Variants in ACAD9 observed in about 807,000 individuals in gnomAD.
ACAD9 encodes the protein acyl-CoA dehydrogenase family member 9, also known as complex I assembly factor ACAD9, mitochondrial.
A neutral mutation model predicts 70.2 loss-of-function variants in ACAD9; 53 were observed. The observed-to-expected ratio is 0.75, with a 90% CI of 0.61 to 0.95. The LOEUF (loss-of-function observed/expected upper bound fraction) is 0.95, where lower values mean the gene tolerates loss of function less well. Among genes scored for constraint, ACAD9 ranks in the 40% least tolerant of loss-of-function variants. The pLI, the probability that ACAD9 is intolerant of heterozygous loss-of-function variation, is 0.00. For synonymous variants in ACAD9, 313 were observed against 312.1 expected (o/e 1.00, Z -0.03); for missense variants, 777 against 802.8 (o/e 0.97, Z 0.39).
rs1374919410 is a variant in ACAD9 at position 128,902,192 on chromosome 3, A to G, written c.883-361A>G. On this transcript the variant is annotated intron_variant, in intron 8 of 17. Transcript: ENST00000308982. The surrounding 1 kb of genome is among the most constrained non-coding windows in gnomAD (Gnocchi z 4.0). ...CATTCATGTCAAGTTTTAATGTGGA[A>G]ATAACGTTTTCAGGTATTTTGATTT... is the stretch of plus-strand genomic sequence containing the variant. 2.0e-5 allele frequency among the ~76,000 whole-genome samples: 3 copies of G among 152,226 alleles called. No individual in the cohort carries two copies. The highest frequency in any genetic ancestry group is 4.4e-5 in the Non-Finnish European group (3 of 68,044).
chr3:128,899,543 TG>T, intron 7 of ACAD9, 82 bp downstream of exon 7: 1 of 1,403,258 alleles, frequency 7.1e-7, no homozygotes, highest in African/African-American at 1.4e-5. Context: ...TGTGTGTGTG[TG>T]TGTGTGTGTG....
chr3:128,903,640 C>A (rs1195504008), intron 9 of ACAD9, among the ~76,000 whole-genome samples: 1 of 152,238 alleles, frequency 6.6e-6, no homozygotes, highest in Non-Finnish European at 1.5e-5. Flanking sequence ...GCGGCCCCAC[C>A]TGCTTTGGTC....
intron 11 of ACAD9, among the ~76,000 whole-genome samples, chr3:128,905,912 C>G (rs1233616147): frequency 1.3e-5 from 2 of 152,064 alleles, no homozygotes; most frequent in Non-Finnish European, 2.9e-5. Flanking sequence ...TGAAGGCAGG[C>G]CCAGAGGTAC....
chr3:128,880,354 C>T (rs1227925156), intron 1 of ACAD9, among the ~76,000 whole-genome samples: 1 of 152,206 alleles, frequency 6.6e-6, no homozygotes, highest in African/African-American at 2.4e-5. Context: ...TTATAAAACA[C>T]TCATTGTCTT....
intron 1 of ACAD9, among the ~76,000 whole-genome samples, chr3:128,880,326 C>T (rs1037171022): frequency 2.0e-5 from 3 of 152,198 alleles, no homozygotes; most frequent in African/African-American, 7.2e-5. Flanking sequence ...CACAACCCAG[C>T]CAATAGTAAC....
chr3:128,895,437 G>A, intron 4 of ACAD9, 21 bp downstream of exon 4: 1 of 1,582,250 alleles, frequency 6.3e-7, no homozygotes, highest in Non-Finnish European at 8.6e-7. Flanking sequence ...TGGGGATTCT[G>A]TGTGGTGCTC....
intron 2 of ACAD9, among the ~76,000 whole-genome samples, chr3:128,888,657 T>C (rs1935324695): frequency 6.6e-6 from 1 of 152,096 alleles, no homozygotes; most frequent in Non-Finnish European, 1.5e-5. Context: ...CTTTGAGAAG[T>C]GCCAAATTGT....
chr3:128,897,650 A>G lies in ACAD9; in HGVS notation c.573A>G (p.Ser191=). Residue 191 remains serine (S), a synonymous_variant, in exon 6 of 18, where the codon TCA becomes TCG. Coordinates refer to ENST00000308982, the MANE Select transcript of ACAD9 (RefSeq NM_014049.5). ...TEPASGSDAA[S]IRSRATLSED... ...TCTGCAGTGGGAGCGATGCAGCCTC[A>G]ATCCGGAGCAGAGCCACACTAAGTG... 3.1e-6 allele frequency: 5 copies of G among 1,613,768 alleles called. No individual in the cohort carries two copies. The highest frequency in any genetic ancestry group is 4.2e-6 in the Non-Finnish European group (5 of 1,179,858).
chr3:128,886,846 T>A (rs1015457567), intron 2 of ACAD9, among the ~76,000 whole-genome samples: 4 of 151,818 alleles, frequency 2.6e-5, no homozygotes, highest in Admixed American at 6.6e-5. Flanking sequence ...CATACCTGTT[T>A]GTGCACGTAA....
At chr3:128,894,858 C>T (rs1935524067) in intron 3 of ACAD9, among the ~76,000 whole-genome samples, 2 of 148,374 alleles carry the variant, frequency 1.3e-5, no homozygotes, top group South Asian at 4.2e-4. Context: ...TACTTTGTAC[C>T]TTTCTGTATT....
At chr3:128,912,476 A>G in intron 17 of ACAD9, 31 bp from the exon 18 acceptor site, 1 of 1,590,130 alleles carries the variant, frequency 6.3e-7, no homozygotes, top group Non-Finnish European at 8.6e-7. Flanking sequence ...GTGCAGAAAG[A>G]TCACCCACCA....
rs1413113817 is a variant in ACAD9 at position 128,904,108 on chromosome 3, G to A, written c.1005G>A (p.Arg335=). 2 of 1,614,064 alleles carry A rather than the reference G, an allele frequency of 1.2e-6. No individual in the cohort carries two copies. Among genetic ancestry groups the A allele is most frequent in the Non-Finnish European group, 1.7e-6 (2 of 1,180,038 alleles). The change falls in exon 10 of 18, where the codon AGG becomes AGA. Residue 335 remains arginine (R), a synonymous_variant. Coordinates refer to ENST00000308982, the MANE Select transcript of ACAD9 (RefSeq NM_014049.5). ...GCACAAGGAAACAGTTTAACAAGAG[G>A]CTCAGTGAATTTGGATTGATTCAGG... ...YACTRKQFNK[R]LSEFGLIQEK... is the part of the protein sequence containing the mutation.
At chr3:128,898,519 C>G (rs1935635135) in intron 6 of ACAD9, 1 of 389,372 alleles carries the variant, frequency 2.6e-6, no homozygotes, top group Non-Finnish European at 4.8e-6. Context: ...GATTCTCCTA[C>G]CTCAACCTCC....
At chr3:128,884,817 G>T (rs1328569503) in intron 2 of ACAD9, 71 bp downstream of exon 2, 2 of 1,184,094 alleles carry the variant, frequency 1.7e-6, no homozygotes, top group East Asian at 4.7e-5. Context: ...TATATTAGAA[G>T]TGACATACAT....
intron 2 of ACAD9, among the ~76,000 whole-genome samples, chr3:128,890,475 G>A (rs1935386931): frequency 6.6e-6 from 1 of 151,998 alleles, no homozygotes; most frequent in Admixed American, 6.5e-5. Context: ...GGCCGAGATG[G>A]GCGGATCATG....
rs758166180 is a variant in ACAD9 at position 128,904,379 on chromosome 3, A to G, written c.1030-7A>G. 4 of 1,614,114 alleles carry G rather than the reference A, an allele frequency of 2.5e-6. No individual in the cohort carries two copies. The highest frequency in any genetic ancestry group is 3.4e-6 in the Non-Finnish European group (4 of 1,180,026). On this transcript the variant is annotated splice_polypyrimidine_tract_variant and splice_region_variant and intron_variant, in intron 10 of 17. Coordinates refer to ENST00000308982, the MANE Select transcript of ACAD9 (RefSeq NM_014049.5). ...ATTGTTTCTTGTGTTTTTTCTGAACACTCCAGGAGAAATTTGCACTGATGG... is the reference window on the plus strand; with the variant it reads ...ATTGTTTCTTGTGTTTTTTCTGAACGCTCCAGGAGAAATTTGCACTGATGG...
rs1437786802 is a variant in ACAD9, at chr3:128,906,321, G to T, written c.1278+72G>T. The T allele has an allele frequency of 5.6e-6, 9 of 1,594,922 alleles. No homozygotes were observed. In the African/African-American group the frequency reaches 1.2e-4, roughly 21 times the overall value. ...CCTGGTCCTAAAGATGCTGCTCAGG[G>T]CCTCGCAGAGGCCCCCGCAGCCCAG... On this transcript the variant is annotated intron_variant, in intron 12 of 17. Coordinates refer to ENST00000308982, the MANE Select transcript of ACAD9 (RefSeq NM_014049.5).
chr3:128,910,343 G>GA (rs770559354), intron 16 of ACAD9, 194 bp downstream of exon 16: 12 of 1,471,108 alleles, frequency 8.2e-6, no homozygotes, highest in Non-Finnish European at 1.1e-5. Flanking sequence ...ACTGAGAGAA[G>GA]AGGGGGTGAG....
rs562398566 is a variant in ACAD9 at position 128,897,488 on chromosome 3, G to A, written c.555-144G>A. Reference sequence around the variant, plus strand: ...AGGTGAGACAGACATCCTGCAGCTTGGAAAGCTGAATATGTTATCTGACCC... The same window carrying A: ...AGGTGAGACAGACATCCTGCAGCTTAGAAAGCTGAATATGTTATCTGACCC... On this transcript the variant is annotated intron_variant, in intron 5 of 17. Transcript: ENST00000308982. 53 of 736,986 alleles carry A rather than the reference G, an allele frequency of 7.2e-5. 1 individual carries two copies. In the South Asian group the frequency reaches 7.8e-4, roughly 11 times the overall value. The allele number at this position is 736,986 out of a possible 1,614,324, so 45.7% of individuals were successfully genotyped here.
Sources: allele counts gnomAD v4.1 joint callset (sites outside exome capture counted in the v4.1 genomes callset), GRCh38; gene constraint gnomAD v4.1.1; non-coding constraint Gnocchi (gnomAD v3.1); transcripts MANE v1.5; gene names NCBI Gene and HGNC (gene_info 2026-07-23, HGNC 2026-07-21).